The following THSD7B variants were observed in gnomAD, a reference collection of about 807,000 sequenced individuals.
The protein encoded by THSD7B is thrombospondin type-1 domain-containing protein 7B.
Under a neutral mutation model 213.6 loss-of-function variants are expected in THSD7B, and 138 were observed. The ratio of observed to expected loss-of-function variants is 0.65; its 90% confidence interval spans 0.56 to 0.74. The LOEUF is 0.74. Among genes scored for constraint, THSD7B ranks in the 30% least tolerant of loss-of-function variants. The pLI is 0.00. For missense variants in THSD7B, 1,931 were observed against 1,991.5 expected (o/e 0.97, Z 0.58); for synonymous variants, 742 against 687.0 (o/e 1.08, Z -1.25).
chr2:137,073,596 CTGA>C (rs1687550452), intron 3 of THSD7B, among the ~76,000 whole-genome samples: 3 of 152,164 alleles, frequency 2.0e-5, no homozygotes, highest in Non-Finnish European at 4.4e-5. Context: ...CAGTTCTGCT[CTGA>C]TGTTAGTTAT....
At chr2:137,416,238 C>T (rs1190325808) in intron 14 of THSD7B, among the ~76,000 whole-genome samples, 1 of 152,170 alleles carries the variant, frequency 6.6e-6, no homozygotes, top group East Asian at 1.9e-4. Flanking sequence ...ATCATACTGA[C>T]ACGAAAATGT....
At chr2:136,774,124 C>CT (rs1012668113) in intron 1 of THSD7B, among the ~76,000 whole-genome samples, 1 of 151,916 alleles carries the variant, frequency 6.6e-6, no homozygotes, top group Non-Finnish European at 1.5e-5. Flanking sequence ...ATCCCAGTTT[C>CT]TTTTTTTATT....
In THSD7B at chr2:136,773,666, C is replaced by G. The variant is rs375268798; in HGVS notation, c.-36+7979C>G. ...AGCCATGTTTCAAGTGCTCAGTAGC[C>G]ACATGTGGCTGGTGGCCACCATATT... On this transcript the variant is annotated intron_variant, in intron 1 of 27. Coordinates refer to ENST00000409968, the MANE Select transcript of THSD7B (RefSeq NM_001316349.2). 7.2e-4 allele frequency among the ~76,000 whole-genome samples: 109 copies of G among 151,992 alleles called. 3 individuals are homozygous for G. The South Asian group carries it at 0.022, about 31-fold the overall frequency.
intron 2 of THSD7B, among the ~76,000 whole-genome samples, chr2:136,993,397 G>A (rs1028143427): frequency 3.3e-5 from 5 of 152,146 alleles, no homozygotes; most frequent in African/African-American, 1.2e-4. Context: ...TACCCATAAA[G>A]GCTATGAAGG....
chr2:136,886,703 G>A (rs1031601239), intron 2 of THSD7B, among the ~76,000 whole-genome samples: 1 of 152,314 alleles, frequency 6.6e-6, no homozygotes, highest in African/African-American at 2.4e-5. Context: ...AAGCCATCAG[G>A]ATTTATTGAT....
At chr2:136,837,744 C>A (rs1376527516) in intron 1 of THSD7B, among the ~76,000 whole-genome samples, 1 of 152,180 alleles carries the variant, frequency 6.6e-6, no homozygotes, top group Non-Finnish European at 1.5e-5. Context: ...GAATTACATT[C>A]ATCTTTTTTT....
intron 12 of THSD7B, among the ~76,000 whole-genome samples, chr2:137,362,954 C>T (rs1685304359): frequency 6.6e-6 from 1 of 152,174 alleles, no homozygotes; most frequent in Non-Finnish European, 1.5e-5. Flanking sequence ...CACCACATCT[C>T]ACTTATTCCA....
chr2:137,600,296 A>G (rs908686357), intron 17 of THSD7B, among the ~76,000 whole-genome samples: 15 of 152,248 alleles, frequency 9.9e-5, no homozygotes, highest in African/African-American at 3.6e-4. Flanking sequence ...CATGCGCCAC[A>G]TAACATTTCA....
chr2:137,605,029 C>G (rs146539445), intron 17 of THSD7B, among the ~76,000 whole-genome samples: 4 of 152,166 alleles, frequency 2.6e-5, no homozygotes, highest in Admixed American at 6.5e-5. Context: ...GGTATTTTGA[C>G]CTTCAAATTA....
At chr2:137,412,366 C>T (rs558991468) in intron 14 of THSD7B, among the ~76,000 whole-genome samples, 19 of 151,634 alleles carry the variant, frequency 1.3e-4, no homozygotes, top group Middle Eastern at 3.4e-3. Flanking sequence ...TTTGAGAGGC[C>T]GAGGCAGGCG....
intron 17 of THSD7B, among the ~76,000 whole-genome samples, chr2:137,601,398 T>G (rs1333882682): frequency 6.6e-6 from 1 of 152,202 alleles, no homozygotes; most frequent in Non-Finnish European, 1.5e-5. Flanking sequence ...CCTTTTTTAT[T>G]TTTAGGTGTA....
chr2:137,065,365 C>T (rs1445246561), intron 3 of THSD7B, among the ~76,000 whole-genome samples: 1 of 151,878 alleles, frequency 6.6e-6, no homozygotes, highest in Non-Finnish European at 1.5e-5. Context: ...ATTTTGTATC[C>T]TGTAACTTTA....
intron 5 of THSD7B, among the ~76,000 whole-genome samples, chr2:137,159,058 G>A (rs559004469): frequency 6.6e-6 from 1 of 152,186 alleles, no homozygotes; most frequent in Admixed American, 6.5e-5. Context: ...TACTATCCTA[G>A]CTCCTATAAA....
intron 12 of THSD7B, among the ~76,000 whole-genome samples, chr2:137,344,010 G>A (rs781329128): frequency 1.3e-5 from 2 of 151,598 alleles, no homozygotes; most frequent in Non-Finnish European, 1.5e-5. Context: ...AGAGAAAAAG[G>A]ACAATGGTCT....
intron 12 of THSD7B, among the ~76,000 whole-genome samples, chr2:137,357,140 G>T (rs773915615): frequency 6.6e-6 from 1 of 152,146 alleles, no homozygotes; most frequent in Non-Finnish European, 1.5e-5. Flanking sequence ...CTACATCAAA[G>T]ATTTAGTAAA....
intron 3 of THSD7B, among the ~76,000 whole-genome samples, chr2:137,092,753 G>A (rs1453706319): frequency 6.6e-6 from 1 of 152,084 alleles, no homozygotes; most frequent in Non-Finnish European, 1.5e-5. Context: ...TCCTGCTTCA[G>A]CCTCCCAAGT....
chr2:137,057,370 A>C, intron 3 of THSD7B, 140 bp downstream of exon 3: 1 of 874,058 alleles, frequency 1.1e-6, no homozygotes, highest in East Asian at 2.7e-5. Context: ...TCATGTAAGA[A>C]ATTTTTAATT....
chr2:137,526,977 G>A (rs974739382), intron 15 of THSD7B, among the ~76,000 whole-genome samples: 1 of 152,064 alleles, frequency 6.6e-6, no homozygotes, highest in Non-Finnish European at 1.5e-5. Flanking sequence ...ACAAACCACT[G>A]AGGAGATAAG....
chr2:136,917,187 G>A (rs898734347), intron 2 of THSD7B, among the ~76,000 whole-genome samples: 1 of 152,008 alleles, frequency 6.6e-6, no homozygotes, highest in Non-Finnish European at 1.5e-5. Context: ...TATCCTCCCC[G>A]CATCCCACCC....
Sources: allele counts gnomAD v4.1 joint callset (sites outside exome capture counted in the v4.1 genomes callset), GRCh38; gene constraint gnomAD v4.1.1; transcripts MANE v1.5; gene names NCBI Gene and HGNC (gene_info 2026-07-23, HGNC 2026-07-21).